The following SCNN1B variants were observed in gnomAD, a reference collection of about 807,000 sequenced individuals.
SCNN1B encodes the protein sodium channel epithelial 1 subunit beta.
Under a neutral mutation model 65.3 loss-of-function variants are expected in SCNN1B, and 46 were observed. The observed-to-expected ratio is 0.70, with a 90% confidence interval of 0.56 to 0.90. The LOEUF (loss-of-function observed/expected upper bound fraction) is 0.90, where lower values mean the gene tolerates loss of function less well. SCNN1B is among the 40% of genes least tolerant of loss of function. The pLI, the probability that SCNN1B is intolerant of heterozygous loss-of-function variation, is 0.00. For synonymous variants in SCNN1B, 349 were observed against 330.6 expected, an observed-to-expected ratio of 1.06 and a Z score of -0.60; for missense variants, 751 against 830.5, an observed-to-expected ratio of 0.90 and a Z score of 1.18.
At chr16:23,336,421 G>T (rs768233439) in intron 1 of SCNN1B, among the ~76,000 whole-genome samples, 1 of 150,464 alleles carries the variant, frequency 6.6e-6, no homozygotes, top group Non-Finnish European at 1.5e-5. Flanking sequence ...CGCCAGGCTG[G>T]AGTGCAGGGG....
At chr16:23,295,225 C>CA (rs1960979097) in intron 2 of SCNN1B, among the ~76,000 whole-genome samples, 1 of 151,854 alleles carries the variant, frequency 6.6e-6, no homozygotes, top group Non-Finnish European at 1.5e-5. Flanking sequence ...GGCCTTACTT[C>CA]ATTTTTTTTT....
At chr16:23,278,474 A>G (rs1960736224) in intron 1 of SCNN1B, 1 of 152,030 alleles carries the variant, frequency 6.6e-6, no homozygotes, top group Non-Finnish European at 1.5e-5. Context: ...TAGCCTGTCC[A>G]CATATTGTAT....
intron 1 of SCNN1B, among the ~76,000 whole-genome samples, chr16:23,309,302 C>G (rs964449894): frequency 2.2e-4 from 34 of 151,964 alleles, no homozygotes; most frequent in African/African-American, 7.7e-4. Context: ...GAAGACTGCC[C>G]CTGACAGCTG....
intron 2 of SCNN1B, among the ~76,000 whole-genome samples, chr16:23,288,427 G>T (rs146132748): frequency 6.6e-6 from 1 of 152,090 alleles, no homozygotes; most frequent in Non-Finnish European, 1.5e-5. Context: ...CATTTATTAC[G>T]TGACAGTTTC....
chr16:23,359,879 C>T (rs1377151893), intron 4 of SCNN1B, among the ~76,000 whole-genome samples: 1 of 152,198 alleles, frequency 6.6e-6, no homozygotes, highest in African/African-American at 2.4e-5. Flanking sequence ...ATGCCTGGCA[C>T]ATAGTAAACA....
intron 1 of SCNN1B, among the ~76,000 whole-genome samples, chr16:23,312,393 G>A (rs2141986365): frequency 6.6e-6 from 1 of 152,260 alleles, no homozygotes; most frequent in Admixed American, 6.5e-5. Context: ...TTGGAGCTCA[G>A]TTGCAGGACA....
intron 1 of SCNN1B, among the ~76,000 whole-genome samples, chr16:23,332,511 T>C (rs1427551584): frequency 1.3e-5 from 2 of 152,090 alleles, no homozygotes. Flanking sequence ...TTTTTATTTT[T>C]TGTAGAGACG....
Position 23,374,548 on chromosome 16 carries a change from TG to T in SCNN1B, c.1153-1189del, listed in dbSNP as rs1180490138. ...GAGATCATGCCACTGCACTACAGCC[TG>T]AGCAACAGAGCAAGACTCCATCTCA... is the stretch of plus-strand genomic sequence containing the variant. On this transcript the variant is annotated intron_variant, in intron 7 of 12. Coordinates refer to ENST00000343070, the MANE Select transcript of SCNN1B (RefSeq NM_000336.3). Among the ~76,000 whole-genome samples the T allele has an allele frequency of 5.9e-5, 7 of 119,054 alleles. No homozygotes were observed. In the East Asian group the frequency reaches 1.2e-3, roughly 20 times the overall value. 78.1% of individuals were successfully genotyped at this position (119,054 alleles called of 152,430 possible).
chr16:23,376,969 G>T (rs973245385), intron 8 of SCNN1B, among the ~76,000 whole-genome samples, 196 bp from the exon 9 acceptor site: 3 of 152,160 alleles, frequency 2.0e-5, no homozygotes, highest in Non-Finnish European at 2.9e-5. Flanking sequence ...CCCTGAGCTG[G>T]GCCCCAGGCC....
At chr16:23,281,958 G>A (rs78856554) in intron 1 of SCNN1B, among the ~76,000 whole-genome samples, 15,536 of 152,134 alleles carry the variant, frequency 0.1, 952 homozygotes, top group East Asian at 0.28. Context: ...TTGGGAGGCC[G>A]AGGTGGGTGA....
chr16:23,367,809 A>T, intron 4 of SCNN1B, 47 bp from the exon 5 acceptor site: 3 of 1,437,226 alleles, frequency 2.1e-6, no homozygotes, highest in Non-Finnish European at 2.9e-6. Context: ...CGGGGGAGGC[A>T]TTGCCTGTGG....
At chr16:23,307,421 G>T (rs1050736494) in intron 1 of SCNN1B, among the ~76,000 whole-genome samples, 1 of 150,838 alleles carries the variant, frequency 6.6e-6, no homozygotes, top group Non-Finnish European at 1.5e-5. Context: ...CCGGGTTCAA[G>T]TGATGCTCCT....
chr16:23,352,283 G>A (rs143133832), intron 2 of SCNN1B, among the ~76,000 whole-genome samples: 259 of 152,292 alleles, frequency 1.7e-3, no homozygotes, highest in Non-Finnish European at 3.1e-3. Context: ...GTGGGTGGAC[G>A]GAGAGGTGGG....
At chr16:23,333,141 GGAAGGAAAGA>G (rs1567300514) in intron 1 of SCNN1B, among the ~76,000 whole-genome samples, 29 of 100,928 alleles carry the variant, frequency 2.9e-4, no homozygotes, top group South Asian at 1.6e-3. Context: ...GAGGGAGGAA[GGAAGGAAAGA>G]AGGAAGGAAG....
intron 1 of SCNN1B, among the ~76,000 whole-genome samples, chr16:23,323,201 TA>T (rs889813713): frequency 5.9e-4 from 79 of 134,726 alleles, no homozygotes; most frequent in Middle Eastern, 3.6e-3. Flanking sequence ...TCCATCTCAA[TA>T]AAAAAAAAAA....
intron 1 of SCNN1B, among the ~76,000 whole-genome samples, chr16:23,309,790 C>T (rs537691235): frequency 6.6e-6 from 1 of 152,182 alleles, no homozygotes; most frequent in Admixed American, 6.5e-5. Flanking sequence ...CACCCGGGAT[C>T]GATACTTTGC....
chr16:23,346,349 T>C (rs1962189287), intron 1 of SCNN1B, among the ~76,000 whole-genome samples: 1 of 151,616 alleles, frequency 6.6e-6, no homozygotes, highest in South Asian at 2.1e-4. Flanking sequence ...TGCCTCAGCC[T>C]CCCAGGTAGC....
intron 1 of SCNN1B, among the ~76,000 whole-genome samples, chr16:23,313,440 T>G (rs1961386110): frequency 6.6e-6 from 1 of 152,182 alleles, no homozygotes; most frequent in Non-Finnish European, 1.5e-5. Flanking sequence ...TGAGGAGGTG[T>G]GGTCACCTTG....
intron 5 of SCNN1B, among the ~76,000 whole-genome samples, chr16:23,369,589 C>T (rs968757484): frequency 7.9e-5 from 12 of 152,060 alleles, no homozygotes; most frequent in African/African-American, 2.9e-4. Context: ...ATCCCTCCTC[C>T]CATCTCTAGG....
Sources: gnomAD v4.1 joint callset for allele counts (sites outside exome capture counted in the v4.1 genomes callset) on GRCh38, gnomAD v4.1.1 for gene constraint, MANE v1.5 for transcripts, NCBI Gene and HGNC (gene_info 2026-07-23, HGNC 2026-07-21) for gene names.